ANKRD17: variants seen among roughly 807,000 people sequenced by gnomAD.
ANKRD17 encodes the protein ankyrin repeat domain 17.
Under a neutral mutation model 229.7 loss-of-function variants are expected in ANKRD17, and 19 were observed. The observed-to-expected ratio is 0.08, with a 90% CI of 0.06 to 0.12. The LOEUF (loss-of-function observed/expected upper bound fraction) is 0.12, where lower values mean the gene tolerates loss of function less well. Among genes scored for constraint, ANKRD17 ranks in the 10% least tolerant of loss-of-function variants. The pLI, the probability that ANKRD17 is intolerant of heterozygous loss-of-function variation, is 1.00. For missense variants in ANKRD17, 2,176 were observed against 3,176.8 expected, an observed-to-expected ratio of 0.68 and a Z score of 7.57; for synonymous variants, 1,112 against 1,146.1, an observed-to-expected ratio of 0.97 and a Z score of 0.60.
At position 73,248,163 on chromosome 4, in the gene ANKRD17, T is replaced by G. The variant is rs1026718239; in HGVS notation, c.393+10113A>C. On this transcript the variant is annotated intron_variant, in intron 1 of 33. Coordinates refer to ENST00000358602, the MANE Select transcript of ANKRD17 (RefSeq NM_032217.5). Reference sequence around the variant, plus strand: ...TAAAACCTTCAAGGTAAAATTAGAATGGATGACTCTTTAGTATAATCTAGT... The same window carrying G: ...TAAAACCTTCAAGGTAAAATTAGAAGGGATGACTCTTTAGTATAATCTAGT... Among the ~76,000 whole-genome samples the G allele has an allele frequency of 2.6e-5, 4 of 152,150 alleles. No individual in the cohort carries two copies. In the South Asian group the frequency reaches 8.3e-4, roughly 32 times the overall value.
chr4:73,158,901 C>A (rs536077347), intron 3 of ANKRD17, among the ~76,000 whole-genome samples: 4 of 152,356 alleles, frequency 2.6e-5, no homozygotes, highest in South Asian at 4.1e-4. Flanking sequence ...CCAGATGCAG[C>A]CCCTTGACCA....
chr4:73,173,064 AAC>A (rs1734256438), intron 2 of ANKRD17, among the ~76,000 whole-genome samples: 1 of 152,208 alleles, frequency 6.6e-6, no homozygotes, highest in African/African-American at 2.4e-5. Flanking sequence ...GCCTACAAGA[AAC>A]ACACTTTACC....
rs766483843 is a variant in ANKRD17 at position 73,091,004 on chromosome 4, A to T, written c.6624T>A (p.Ile2208=). Residue 2208 remains isoleucine, a synonymous_variant, in exon 29 of 34, where the codon ATT becomes ATA. Transcript: ENST00000358602. ...AAGAGGGAACACTGTGAGGTCTTTT[A>T]ATGTGATTGACACTGAGGACTGCAA... ...SSVAVLSVNH[I]KRPHSVPSSV... is the part of the protein sequence containing the mutation. 2.0e-5 allele frequency: 33 copies of T among 1,614,100 alleles called. No homozygotes were observed. Among genetic ancestry groups the T allele is most frequent in the Non-Finnish European group, 2.7e-5 (32 of 1,180,044 alleles).
intron 1 of ANKRD17, among the ~76,000 whole-genome samples, chr4:73,226,389 G>GTTTTTTTTTT (rs1157719883): frequency 1.0e-4 from 9 of 87,612 alleles, no homozygotes; most frequent in Admixed American, 1.7e-4. Flanking sequence ...CTTTTCTTCT[G>GTTTTTTTTTT]TTTTTTTTTT....
chr4:73,088,836 G>T (rs1261685975), intron 29 of ANKRD17, among the ~76,000 whole-genome samples: 1 of 151,906 alleles, frequency 6.6e-6, no homozygotes, highest in African/African-American at 2.4e-5. Context: ...CACAGATAAC[G>T]AGTTGGCAAC....
chr4:73,196,452 T>C (rs1221369911), intron 1 of ANKRD17, among the ~76,000 whole-genome samples: 1 of 152,362 alleles, frequency 6.6e-6, no homozygotes, highest in Non-Finnish European at 1.5e-5. Context: ...TAAGCTTTAA[T>C]CGTGTACCAC....
chr4:73,142,825 G>A, intron 11 of ANKRD17, 58 bp from the exon 12 acceptor site: 2 of 1,530,670 alleles, frequency 1.3e-6, no homozygotes, highest in South Asian at 2.5e-5. Flanking sequence ...TTAAAATTAT[G>A]GTAAATTTAA....
chr4:73,099,115 C>T (rs753990109), intron 25 of ANKRD17: 95 of 747,928 alleles, frequency 1.3e-4, no homozygotes, highest in Non-Finnish European at 2.2e-4. Flanking sequence ...AGGAGGGCAT[C>T]TGGCAGGAGT....
At chr4:73,129,120 C>T (rs1242459643) in intron 16 of ANKRD17, among the ~76,000 whole-genome samples, 1 of 152,122 alleles carries the variant, frequency 6.6e-6, no homozygotes, top group African/African-American at 2.4e-5. Flanking sequence ...GATAGATGTC[C>T]AGAGCTTTAA....
In ANKRD17 at chr4:73,091,591, CTGT is replaced by C. The variant is rs1722804055; in HGVS notation, c.6034_6036del (p.Thr2012del). ...TTGTTGTTGCTTGCCGTGGTTGTGA[CTGT>C]TGTTGTGGTGGCATTGGATGTCTTC... is the stretch of plus-strand genomic sequence containing the variant. On this transcript the variant is annotated inframe_deletion, in exon 29 of 34. Transcript: ENST00000358602. The C allele has an allele frequency of 6.2e-7, 1 of 1,613,994 alleles. No homozygotes were observed. The highest frequency in any genetic ancestry group is 8.5e-7 in the Non-Finnish European group (1 of 1,180,026).
intron 1 of ANKRD17, among the ~76,000 whole-genome samples, chr4:73,239,331 A>C (rs1743795933): frequency 6.6e-6 from 1 of 152,152 alleles, no homozygotes; most frequent in Non-Finnish European, 1.5e-5. Context: ...ACAATACAGA[A>C]ACAATATCAA....
Position 73,085,321 on chromosome 4 carries a change from C to G in ANKRD17, c.7087G>C (p.Ala2363Pro). ...GPGAPLGGAP[A>P]AANFNRQHFS... ...TGTTGTCTGTTAAAGTTAGCAGCTGCGGGTGCTCCTCCAAGGGGTGCCCCA... is the reference window on the plus strand; with the variant it reads ...TGTTGTCTGTTAAAGTTAGCAGCTGGGGGTGCTCCTCCAAGGGGTGCCCCA... Residue 2363 changes from alanine to proline, a missense_variant, in exon 30 of 34, where the codon GCA (alanine) becomes CCA (proline). Physicochemically the swap from Ala to Pro is conservative, Grantham distance 27. Coordinates refer to ENST00000358602, the MANE Select transcript of ANKRD17 (RefSeq NM_032217.5). The G allele has an allele frequency of 6.2e-7, 1 of 1,614,090 alleles. No individual in the cohort carries two copies. Among genetic ancestry groups the G allele is most frequent in the South Asian group, 1.1e-5 (1 of 91,068 alleles).
intron 1 of ANKRD17, among the ~76,000 whole-genome samples, chr4:73,208,469 C>T (rs960540767): frequency 6.6e-6 from 1 of 152,178 alleles, no homozygotes; most frequent in Non-Finnish European, 1.5e-5. Flanking sequence ...AAATAACCCA[C>T]ATAGCCTTTC....
chr4:73,131,519 C>T (rs1274875213), intron 16 of ANKRD17, among the ~76,000 whole-genome samples: 1 of 152,110 alleles, frequency 6.6e-6, no homozygotes, highest in African/African-American at 2.4e-5. Flanking sequence ...GATCTCTTAC[C>T]ATCTAGGCAG....
At chr4:73,167,500 C>A (rs569985904) in intron 2 of ANKRD17, among the ~76,000 whole-genome samples, 1 of 152,250 alleles carries the variant, frequency 6.6e-6, no homozygotes, top group South Asian at 2.1e-4. Flanking sequence ...TCTTCTTGTG[C>A]CTCTTGGGGC....
chr4:73,203,548 G>A (rs1256953844), intron 1 of ANKRD17, among the ~76,000 whole-genome samples: 1 of 151,986 alleles, frequency 6.6e-6, no homozygotes. Flanking sequence ...ACGAGGTCAG[G>A]AGATCGAGAC....
intron 16 of ANKRD17, among the ~76,000 whole-genome samples, chr4:73,134,484 T>A (rs751007466): frequency 1.3e-5 from 2 of 152,168 alleles, no homozygotes; most frequent in Non-Finnish European, 2.9e-5. Flanking sequence ...TTCTCTCCAA[T>A]CTCACCTTGC....
Position 73,243,254 on chromosome 4 carries a change from CA to C in ANKRD17, c.393+15021del, listed in dbSNP as rs562286078. Among the ~76,000 whole-genome samples the C allele has an allele frequency of 3.3e-3, 499 of 152,210 alleles. 1 individual carries two copies. The highest frequency in any genetic ancestry group is 5.3e-3 in the Non-Finnish European group (363 of 67,994). On this transcript the variant is annotated intron_variant, in intron 1 of 33. Transcript: ENST00000358602. ...TTTTATTCTAAAAGCAATGAGAAAT[CA>C]AATAACAATGACATTTCAGAAAGAT...
At chr4:73,141,133 T>C in intron 14 of ANKRD17, among the ~76,000 whole-genome samples, 1 of 152,222 alleles carries the variant, frequency 6.6e-6, no homozygotes, top group Non-Finnish European at 1.5e-5. Context: ...AAAACTGCAC[T>C]GTTTCTTCAG....
Sources: gnomAD v4.1 joint callset for allele counts (sites outside exome capture counted in the v4.1 genomes callset) on GRCh38, gnomAD v4.1.1 for gene constraint, MANE v1.5 for transcripts, NCBI Gene and HGNC (gene_info 2026-07-23, HGNC 2026-07-21) for gene names.